STX17: variants seen among roughly 807,000 people sequenced by gnomAD.
The protein encoded by STX17 is syntaxin-17.
Under a neutral mutation model 35.9 loss-of-function variants are expected in STX17, and 29 were observed. That is an observed-to-expected ratio of 0.81 (90% confidence interval 0.60 to 1.10). The LOEUF (loss-of-function observed/expected upper bound fraction) is 1.10. STX17 is among the 50% of genes least tolerant of loss of function. The pLI, the probability that STX17 is intolerant of heterozygous loss-of-function variation, is 0.00. For missense variants in STX17, 312 were observed against 352.3 expected, an observed-to-expected ratio of 0.89 and a Z score of 0.92; for synonymous variants, 92 against 118.3, an observed-to-expected ratio of 0.78 and a Z score of 1.44.
intron 3 of STX17, among the ~76,000 whole-genome samples, chr9:99,930,933 A>G (rs947621139): frequency 1.3e-5 from 2 of 152,008 alleles, no homozygotes; most frequent in African/African-American, 4.8e-5. Flanking sequence ...TTATACTTTA[A>G]AAAGCTAGTA....
At chr9:99,926,824 C>CT (rs1402037803) in intron 2 of STX17, among the ~76,000 whole-genome samples, 1 of 152,124 alleles carries the variant, frequency 6.6e-6, no homozygotes, top group East Asian at 1.9e-4. Context: ...ACCTTTCTTG[C>CT]TTAGGACCAG....
Position 99,959,802 on chromosome 9 carries a change from C to G in STX17, c.416-115C>G, listed in dbSNP as rs563250288. ...GTAGAATAATCAATTTCCTTTTAGC[C>G]TAAATTTAATTAGACACCATTTAAC... On this transcript the variant is annotated intron_variant, in intron 4 of 7. Transcript: ENST00000259400. 144 of 802,700 alleles carry G rather than the reference C, an allele frequency of 1.8e-4. No individual in the cohort carries two copies. The African/African-American group carries it at 2.2e-3, about 12-fold the overall frequency. 49.7% of individuals were successfully genotyped at this position (802,700 alleles called of 1,614,324 possible).
chr9:99,916,429 T>TCA (rs1477297152), intron 2 of STX17, among the ~76,000 whole-genome samples: 130 of 73,888 alleles, frequency 1.8e-3, no homozygotes, highest in Middle Eastern at 6.8e-3. Flanking sequence ...ATTTATTTAT[T>TCA]TATTCATTCA....
chr9:99,927,020 A>G (rs576975972), intron 2 of STX17, among the ~76,000 whole-genome samples: 3 of 152,186 alleles, frequency 2.0e-5, no homozygotes, highest in Non-Finnish European at 4.4e-5. Flanking sequence ...TTGTTCCCTC[A>G]CATGCATGTG....
intron 3 of STX17, among the ~76,000 whole-genome samples, chr9:99,944,714 C>T (rs1829441870): frequency 6.6e-6 from 1 of 151,964 alleles, no homozygotes. Context: ...TGGGGTTTCG[C>T]CATGTTTGTC....
chr9:99,966,096 C>G (rs1226002319), intron 6 of STX17, among the ~76,000 whole-genome samples: 1 of 152,170 alleles, frequency 6.6e-6, no homozygotes, highest in Non-Finnish European at 1.5e-5. Context: ...TCAGCATCAC[C>G]TGGGAGCTTA....
Position 99,928,759 on chromosome 9 carries a change from C to G in STX17, c.124-19C>G. ...TTAGTGATGAAAAATTTAATACCTC[C>G]CTTCTTTCTTTTATATAGTATCAAA... On this transcript the variant is annotated intron_variant, in intron 2 of 7. Coordinates refer to ENST00000259400, the MANE Select transcript of STX17 (RefSeq NM_017919.3). 1 of 1,594,200 alleles carries G rather than the reference C, an allele frequency of 6.3e-7. No homozygotes were observed. Among genetic ancestry groups the G allele is most frequent in the African/African-American group, 1.4e-5 (1 of 73,360 alleles).
intron 2 of STX17, among the ~76,000 whole-genome samples, chr9:99,925,870 A>G (rs1449745738): frequency 7.2e-5 from 11 of 151,942 alleles, no homozygotes; most frequent in Non-Finnish European, 1.5e-4. Flanking sequence ...TCTTGGATCT[A>G]TGGTTTTCTC....
intron 7 of STX17, among the ~76,000 whole-genome samples, chr9:99,968,219 A>G (rs1200168738): frequency 6.6e-6 from 1 of 152,032 alleles, no homozygotes; most frequent in African/African-American, 2.4e-5. Flanking sequence ...GTAGCAGTCC[A>G]CTCTTTGTAG....
Position 99,928,755 on chromosome 9 carries a change from C to A in STX17, c.124-23C>A, listed in dbSNP as rs764449527. ...CCCTTTAGTGATGAAAAATTTAATA[C>A]CTCCCTTCTTTCTTTTATATAGTAT... On this transcript the variant is annotated intron_variant, in intron 2 of 7. Transcript: ENST00000259400. 6 of 1,593,500 alleles carry A rather than the reference C, an allele frequency of 3.8e-6. No homozygotes were observed. In the African/African-American group the frequency reaches 5.5e-5, roughly 14 times the overall value.
At chr9:99,968,103 T>G (rs2118548811) in intron 7 of STX17, among the ~76,000 whole-genome samples, 1 of 152,348 alleles carries the variant, frequency 6.6e-6, no homozygotes, top group South Asian at 2.1e-4. Flanking sequence ...CTGAATAATT[T>G]CTGTGCAACA....
chr9:99,964,606 A>C (rs1829881971), intron 6 of STX17, among the ~76,000 whole-genome samples: 1 of 152,164 alleles, frequency 6.6e-6, no homozygotes, highest in African/African-American at 2.4e-5. Flanking sequence ...GATGAAAATA[A>C]ACATGAGCAA....
chr9:99,961,904 A>G (rs939316006), intron 6 of STX17, among the ~76,000 whole-genome samples: 2 of 152,118 alleles, frequency 1.3e-5, no homozygotes, highest in Non-Finnish European at 2.9e-5. Flanking sequence ...TGGAGGGTCT[A>G]ACTCTTAGAA....
rs746341247 is a variant in STX17 at position 99,960,101 on chromosome 9, A to G, written c.532-4A>G. ...AAGTAACTTCCTCTCCCTTTCTTTT[A>G]AAGGACTTAATTGAACTTAGCCAAC... On this transcript the variant is annotated splice_polypyrimidine_tract_variant and splice_region_variant and intron_variant, in intron 5 of 7. Coordinates refer to ENST00000259400, the MANE Select transcript of STX17 (RefSeq NM_017919.3). 8.7e-6 allele frequency: 14 copies of G among 1,613,942 alleles called. No individual in the cohort carries two copies. The highest frequency in any genetic ancestry group is 4.0e-5 in the African/African-American group (3 of 74,928).
At chr9:99,958,480 C>T (rs867070566) in intron 4 of STX17, among the ~76,000 whole-genome samples, 8 of 152,192 alleles carry the variant, frequency 5.3e-5, no homozygotes, top group Non-Finnish European at 1.2e-4. Context: ...TTATTGAGCA[C>T]TTGTACTTTA....
At chr9:99,951,595 C>T (rs180827872) in intron 4 of STX17, among the ~76,000 whole-genome samples, 61 of 152,124 alleles carry the variant, frequency 4.0e-4, no homozygotes, top group African/African-American at 1.3e-3. Flanking sequence ...ACTCTTTACT[C>T]CTTTCCAGGT....
chr9:99,919,019 T>C (rs1828840094), intron 2 of STX17, among the ~76,000 whole-genome samples: 1 of 152,152 alleles, frequency 6.6e-6, no homozygotes, highest in African/African-American at 2.4e-5. Context: ...TTAATCTTCC[T>C]GGTTGTGGTG....
chr9:99,946,882 C>A (rs902399056), intron 3 of STX17, among the ~76,000 whole-genome samples: 2 of 152,092 alleles, frequency 1.3e-5, no homozygotes, highest in African/African-American at 4.8e-5. Context: ...AAACTCTTGT[C>A]TCTAGCTGCT....
At chr9:99,915,942 G>A (rs1828760185) in intron 2 of STX17, 3 of 436,660 alleles carry the variant, frequency 6.9e-6, no homozygotes, top group African/African-American at 6.1e-5. Context: ...GCACTATAAT[G>A]TAAAGGCAGA....
Sources: gnomAD v4.1 joint callset for allele counts (sites outside exome capture counted in the v4.1 genomes callset) on GRCh38, gnomAD v4.1.1 for gene constraint, MANE v1.5 for transcripts, NCBI Gene and HGNC (gene_info 2026-07-23, HGNC 2026-07-21) for gene names.